The following FBXL17 variants were observed in gnomAD, a reference collection of about 807,000 sequenced individuals.
FBXL17 encodes F-box and leucine rich repeat protein 17, also known as F-box/LRR-repeat protein 17.
Under a neutral mutation model 66.2 loss-of-function variants are expected in FBXL17, and 22 were observed. The observed-to-expected ratio is 0.33, with a 90% confidence interval of 0.24 to 0.47. The LOEUF (loss-of-function observed/expected upper bound fraction) is 0.47. FBXL17 is among the 20% of genes least tolerant of loss of function. The probability of loss-of-function intolerance (pLI) is 1.00; values close to 1 mark genes in which losing one functional copy is unlikely to be tolerated. For synonymous variants in FBXL17, 474 were observed against 400.5 expected (o/e 1.18, Z -2.19); for missense variants, 878 against 948.2 (o/e 0.93, Z 0.97).
intron 1 of FBXL17, among the ~76,000 whole-genome samples, chr5:108,369,248 C>T (rs1390652753): frequency 6.6e-6 from 1 of 152,306 alleles, no homozygotes; most frequent in East Asian, 1.9e-4. Context: ...ATAAAAGACC[C>T]AAAAGAATGC....
At chr5:108,290,828 A>T (rs1217938459) in intron 4 of FBXL17, among the ~76,000 whole-genome samples, 2 of 152,186 alleles carry the variant, frequency 1.3e-5, no homozygotes, top group African/African-American at 4.8e-5. Flanking sequence ...TACATCCTGT[A>T]AATTGATGGC....
chr5:108,343,011 C>T (rs112775724), intron 4 of FBXL17, among the ~76,000 whole-genome samples: 21 of 152,208 alleles, frequency 1.4e-4, no homozygotes, highest in African/African-American at 4.6e-4. Flanking sequence ...GGATTAGTAC[C>T]TTTATAAAAT....
At chr5:108,370,651 G>A (rs1748970100) in intron 1 of FBXL17, among the ~76,000 whole-genome samples, 1 of 151,938 alleles carries the variant, frequency 6.6e-6, no homozygotes, top group South Asian at 2.1e-4. Flanking sequence ...GCTGAGGCAG[G>A]AGAATCATTT....
chr5:108,325,258 T>TTGCCACG (rs547522641), intron 4 of FBXL17, among the ~76,000 whole-genome samples: 47 of 152,212 alleles, frequency 3.1e-4, no homozygotes, highest in African/African-American at 1.0e-3. Context: ...AGGCACAAAC[T>TTGCCACG]TGCCACGTAC....
chr5:108,357,172 T>C (rs1036021189), intron 3 of FBXL17, among the ~76,000 whole-genome samples: 1 of 151,948 alleles, frequency 6.6e-6, no homozygotes, highest in Non-Finnish European at 1.5e-5. Flanking sequence ...AATTATTAAC[T>C]AAAAACTGGG....
intron 7 of FBXL17, among the ~76,000 whole-genome samples, chr5:107,958,274 G>A (rs1006481814): frequency 1.3e-5 from 2 of 151,844 alleles, no homozygotes; most frequent in African/African-American, 4.8e-5. Context: ...TTTTTTCATA[G>A]GTTTAAATAT....
At chr5:107,880,499 C>A in intron 8 of FBXL17, 1 of 997,718 alleles carries the variant, frequency 1.0e-6, no homozygotes, top group Non-Finnish European at 1.2e-6. Flanking sequence ...CACTTCTTAT[C>A]ATGTGCTGGG....
chr5:107,874,208 T>C (rs888886605), intron 8 of FBXL17, among the ~76,000 whole-genome samples: 2 of 152,144 alleles, frequency 1.3e-5, no homozygotes, highest in Admixed American at 6.5e-5. Context: ...TTTTCAAGAA[T>C]TGCTGCCTTA....
At chr5:108,261,739 T>C (rs1756829217) in intron 4 of FBXL17, among the ~76,000 whole-genome samples, 1 of 151,314 alleles carries the variant, frequency 6.6e-6, no homozygotes, top group South Asian at 2.1e-4. Context: ...TCTTAAAAAC[T>C]AACATAAACT....
intron 6 of FBXL17, among the ~76,000 whole-genome samples, chr5:108,137,577 G>C (rs1174037006): frequency 6.6e-6 from 1 of 152,076 alleles, no homozygotes; most frequent in Non-Finnish European, 1.5e-5. Flanking sequence ...ACACTGATGA[G>C]ATTATTTCAT....
At chr5:108,235,741 T>C (rs1173883253) in intron 4 of FBXL17, among the ~76,000 whole-genome samples, 1 of 152,248 alleles carries the variant, frequency 6.6e-6, no homozygotes, top group African/African-American at 2.4e-5. Flanking sequence ...CACTTTGTGA[T>C]GATCTTTCCA....
At chr5:107,885,909 A>C (rs937046265) in intron 7 of FBXL17, among the ~76,000 whole-genome samples, 4 of 151,488 alleles carry the variant, frequency 2.6e-5, no homozygotes, top group South Asian at 2.1e-4. Flanking sequence ...TATAGCTTTG[A>C]CTCTCTGAAC....
chr5:107,875,108 T>TC (rs946085302), intron 8 of FBXL17, among the ~76,000 whole-genome samples: 17 of 98,368 alleles, frequency 1.7e-4, no homozygotes, highest in African/African-American at 6.9e-4. Flanking sequence ...TCTCTCTCTC[T>TC]TTTTTTTTTT....
At chr5:108,307,904 C>G (rs10040007) in intron 4 of FBXL17, among the ~76,000 whole-genome samples, 117,222 of 152,078 alleles carry the variant, frequency 0.77, 45,793 homozygotes, top group East Asian at 0.93. Context: ...TTTGCTTTAG[C>G]TTTTATCTAT....
chr5:108,084,807 C>G (rs1748910065), intron 6 of FBXL17, among the ~76,000 whole-genome samples: 1 of 152,138 alleles, frequency 6.6e-6, no homozygotes. Flanking sequence ...AATAAAATCT[C>G]CAAGAAAATG....
At chr5:107,931,602 T>C (rs1462341834) in intron 7 of FBXL17, among the ~76,000 whole-genome samples, 1 of 152,098 alleles carries the variant, frequency 6.6e-6, no homozygotes, top group Non-Finnish European at 1.5e-5. Flanking sequence ...TTCTACTTTA[T>C]TGCATAGCAG....
intron 6 of FBXL17, among the ~76,000 whole-genome samples, chr5:108,148,303 C>A (rs1427923337): frequency 6.6e-6 from 1 of 152,056 alleles, no homozygotes; most frequent in Non-Finnish European, 1.5e-5. Flanking sequence ...AAAATAAGTG[C>A]CAGGGAATCC....
intron 7 of FBXL17, among the ~76,000 whole-genome samples, chr5:107,938,004 C>T (rs980403494): frequency 6.6e-6 from 1 of 152,142 alleles, no homozygotes; most frequent in Non-Finnish European, 1.5e-5. Flanking sequence ...ATTATCTGCA[C>T]AATTTCATCA....
chr5:108,373,529 A>G (rs2112623285), intron 1 of FBXL17, among the ~76,000 whole-genome samples: 1 of 151,868 alleles, frequency 6.6e-6, no homozygotes, highest in South Asian at 2.1e-4. Flanking sequence ...AAAATATATA[A>G]GACATAGAGA....
Sources: gnomAD v4.1 joint callset for allele counts (sites outside exome capture counted in the v4.1 genomes callset) on GRCh38, gnomAD v4.1.1 for gene constraint, MANE v1.5 for transcripts, NCBI Gene and HGNC (gene_info 2026-07-23, HGNC 2026-07-21) for gene names.